ATF7IP2: variants seen among roughly 807,000 people sequenced by gnomAD.
ATF7IP2 encodes activating transcription factor 7-interacting protein 2.
In ATF7IP2, 42 loss-of-function variants were observed where a neutral mutation model predicts 64.2. That is an observed-to-expected ratio of 0.65 (90% CI 0.51 to 0.85). The LOEUF is 0.85. ATF7IP2 is among the 40% of genes least tolerant of loss of function. ATF7IP2 has a pLI of 0.00. For missense variants in ATF7IP2, 933 were observed against 784.2 expected (o/e 1.19, Z -2.27); for synonymous variants, 308 against 272.8 (o/e 1.13, Z -1.27).
intron 3 of ATF7IP2, among the ~76,000 whole-genome samples, chr16:10,420,013 G>C (rs1158523979): frequency 1.3e-5 from 2 of 152,212 alleles, no homozygotes; most frequent in African/African-American, 4.8e-5. Context: ...GCATATTCAT[G>C]ATGTCCTGTA....
chr16:10,474,386 C>T (rs1169473408), intron 12 of ATF7IP2, among the ~76,000 whole-genome samples: 3 of 152,064 alleles, frequency 2.0e-5, no homozygotes, highest in Admixed American at 2.0e-4. Context: ...GTGGATGCAT[C>T]ATAATTTCTT....
intron 1 of ATF7IP2, among the ~76,000 whole-genome samples, chr16:10,392,878 T>G (rs2047354902): frequency 6.6e-6 from 1 of 151,682 alleles, no homozygotes; most frequent in African/African-American, 2.4e-5. Flanking sequence ...TCCCTGCTAC[T>G]TGAAGGGTCA....
rs150251833 is a variant in ATF7IP2, at chr16:10,461,154, T to C, written c.1352+3625T>C. Among the ~76,000 whole-genome samples, 54 of 152,252 alleles carry C rather than the reference T, an allele frequency of 3.5e-4. No individual in the cohort carries two copies. The East Asian group carries it at 0.01, about 29-fold the overall frequency. ...AAAACCACAATGAGATATCATTTCA[T>C]ATCAGGTAAGGAAAAAATACATTTA... On this transcript the variant is annotated intron_variant, in intron 9 of 13. Transcript: ENST00000562102.
At chr16:10,417,687 A>G (rs978805446) in intron 2 of ATF7IP2, among the ~76,000 whole-genome samples, 2 of 152,204 alleles carry the variant, frequency 1.3e-5, no homozygotes, top group East Asian at 1.9e-4. Flanking sequence ...TAAAATTTAT[A>G]TGGAAATTCA....
intron 1 of ATF7IP2, among the ~76,000 whole-genome samples, chr16:10,409,590 C>A (rs879390818): frequency 6.6e-6 from 1 of 151,930 alleles, no homozygotes; most frequent in Non-Finnish European, 1.5e-5. Context: ...CCACGCCCAG[C>A]TAATTTTTTG....
At chr16:10,405,513 T>C (rs1460355862) in intron 1 of ATF7IP2, among the ~76,000 whole-genome samples, 1 of 152,182 alleles carries the variant, frequency 6.6e-6, no homozygotes, top group Non-Finnish European at 1.5e-5. Flanking sequence ...AGTGAAACAT[T>C]CCACAGGGGC....
At chr16:10,434,913 G>A (rs1021824735) in intron 6 of ATF7IP2, among the ~76,000 whole-genome samples, 1 of 152,156 alleles carries the variant, frequency 6.6e-6, no homozygotes, top group Non-Finnish European at 1.5e-5. Context: ...CTACAGGTGT[G>A]CACTAGCACA....
rs115487756 is a variant in ATF7IP2 at position 10,410,538 on chromosome 16, T to C, written c.-241-4036T>C. ...TTTGGGAGCTTTTTGGAGGACTCTTTAGGGTTTTCTAGGTATACAGTCACA... is the reference window on the plus strand; with the variant it reads ...TTTGGGAGCTTTTTGGAGGACTCTTCAGGGTTTTCTAGGTATACAGTCACA... On this transcript the variant is annotated intron_variant, in intron 1 of 13. Coordinates refer to ENST00000562102, the MANE Select transcript of ATF7IP2 (RefSeq NM_001393719.1). 6.6e-3 allele frequency among the ~76,000 whole-genome samples: 999 copies of C among 152,272 alleles called. 11 individuals carry two copies. Among genetic ancestry groups the C allele is most frequent in the African/African-American group, 0.023 (951 of 41,560 alleles).
chr16:10,431,052 T>C lies in ATF7IP2; in HGVS notation c.432T>C (p.Asp144=). The change falls in exon 5 of 14, where the codon GAT becomes GAC. Residue 144 remains aspartate (D), a synonymous_variant. Coordinates refer to ENST00000562102, the MANE Select transcript of ATF7IP2 (RefSeq NM_001393719.1). The part of the protein sequence containing the change: ...AKDSLNTSEN[D]SEHQTNVTRS... ...ATTCACTGAACACTTCTGAAAACGA[T>C]TCTGAGCATCAGACAAATGTAACAA... 6.2e-7 allele frequency: 1 copy of C among 1,614,156 alleles called. No homozygotes were observed. The highest frequency in any genetic ancestry group is 1.1e-5 in the South Asian group (1 of 91,072).
chr16:10,453,284 C>T (rs2049049145), intron 8 of ATF7IP2, among the ~76,000 whole-genome samples: 1 of 152,190 alleles, frequency 6.6e-6, no homozygotes, highest in Non-Finnish European at 1.5e-5. Context: ...AGTATCTGGG[C>T]TGGAGTGTAC....
At chr16:10,416,384 G>A (rs1247247171) in intron 2 of ATF7IP2, among the ~76,000 whole-genome samples, 1 of 152,200 alleles carries the variant, frequency 6.6e-6, no homozygotes, top group Non-Finnish European at 1.5e-5. Context: ...TTATTTGTGG[G>A]AGCTAAAAAT....
Position 10,481,840 on chromosome 16 carries a change from C to G in ATF7IP2, c.1640C>G (p.Pro547Arg). The change falls in exon 14 of 14, where the codon CCT becomes CGT. Residue 547 changes from proline (P) to arginine (R), a missense_variant. Physicochemically the swap from Pro to Arg is moderately radical, Grantham distance 103. Transcript: ENST00000562102. ...TPLAQNAVQV[P>R]ESFEHLPPLP... The stretch of plus-strand genomic sequence containing the variant: ...TTCTTACAATTGTGTTTTTAGGTTC[C>G]TGAGTCCTTTGAGCACCTGCCACCT... 3 of 1,576,688 alleles carry G rather than the reference C, an allele frequency of 1.9e-6. No homozygotes were observed. The highest frequency in any genetic ancestry group is 2.0e-5 in the Admixed American group (1 of 50,390).
intron 3 of ATF7IP2, among the ~76,000 whole-genome samples, chr16:10,428,609 C>T (rs1268615257): frequency 6.6e-6 from 1 of 152,100 alleles, no homozygotes; most frequent in Admixed American, 6.6e-5. Flanking sequence ...GTAATTATAG[C>T]CTGTCAGCCT....
At chr16:10,441,328 ACT>A (rs1326153790) in intron 8 of ATF7IP2, among the ~76,000 whole-genome samples, 1 of 152,218 alleles carries the variant, frequency 6.6e-6, no homozygotes, top group Non-Finnish European at 1.5e-5. Context: ...GAATCGCCAC[ACT>A]GTCTTCCACA....
intron 1 of ATF7IP2, among the ~76,000 whole-genome samples, chr16:10,398,624 AT>A (rs1018655782): frequency 3.9e-5 from 6 of 152,194 alleles, no homozygotes; most frequent in African/African-American, 1.4e-4. Flanking sequence ...TTTGCCTGTC[AT>A]TTGCAAGAAC....
chr16:10,400,145 A>T (rs2047499639), intron 1 of ATF7IP2, among the ~76,000 whole-genome samples: 1 of 152,194 alleles, frequency 6.6e-6, no homozygotes, highest in East Asian at 1.9e-4. Flanking sequence ...GGCTCAAGCC[A>T]TTCTCCTGCC....
Position 10,463,587 on chromosome 16 carries a change from C to A in ATF7IP2, c.1352+6058C>A, listed in dbSNP as rs574191762. ...TGAACAAGCCGTTTTAGGCTCTGAC[C>A]CCCAGCCCTGGTCAGACCTTTGGTG... On this transcript the variant is annotated intron_variant, in intron 9 of 13. Coordinates refer to ENST00000562102, the MANE Select transcript of ATF7IP2 (RefSeq NM_001393719.1). Among the ~76,000 whole-genome samples the A allele has an allele frequency of 1.9e-3, 288 of 152,194 alleles. 1 individual carries two copies. Among genetic ancestry groups the A allele is most frequent in the African/African-American group, 6.1e-3 (254 of 41,526 alleles).
At chr16:10,392,997 G>T (rs924531530) in intron 1 of ATF7IP2, among the ~76,000 whole-genome samples, 3 of 151,562 alleles carry the variant, frequency 2.0e-5, no homozygotes, top group African/African-American at 7.3e-5. Context: ...CAAAAGAAAA[G>T]AAAAATGAAG....
Position 10,440,644 on chromosome 16 carries a change from A to G in ATF7IP2, c.1194+182A>G, listed in dbSNP as rs574814920. Among the ~76,000 whole-genome samples, 5 of 152,344 alleles carry G rather than the reference A, an allele frequency of 3.3e-5. No homozygotes were observed. The East Asian group carries it at 9.6e-4, about 29-fold the overall frequency. The stretch of plus-strand genomic sequence containing the variant: ...CCCTTAGGTAGTACATGCCACTTGT[A>G]TTTCTGTAGTAAAGGGAGTAGAAAG... On this transcript the variant is annotated intron_variant, in intron 8 of 13. Coordinates refer to ENST00000562102, the MANE Select transcript of ATF7IP2 (RefSeq NM_001393719.1).
Sources: gnomAD v4.1 joint callset for allele counts (sites outside exome capture counted in the v4.1 genomes callset) on GRCh38, gnomAD v4.1.1 for gene constraint, MANE v1.5 for transcripts, NCBI Gene and HGNC (gene_info 2026-07-23, HGNC 2026-07-21) for gene names.